BNC2: variants seen among roughly 807,000 people sequenced by gnomAD.
BNC2 encodes the protein basonuclin zinc finger protein 2.
A neutral mutation model predicts 76.3 loss-of-function variants in BNC2; 20 were observed. That is an observed-to-expected ratio of 0.26 (90% confidence interval 0.18 to 0.38). The LOEUF (loss-of-function observed/expected upper bound fraction) is 0.38. Ranked by LOEUF, BNC2 falls within the 10% of genes least tolerant of loss-of-function variation. The pLI is 1.00. For missense variants in BNC2, 1,382 were observed against 1,399.8 expected, an observed-to-expected ratio of 0.99 and a Z score of 0.20; for synonymous variants, 582 against 514.8, an observed-to-expected ratio of 1.13 and a Z score of -1.77.
chr9:16,752,165 T>C (rs1191530833), intron 1 of BNC2, among the ~76,000 whole-genome samples: 3 of 150,220 alleles, frequency 2.0e-5, no homozygotes, highest in Non-Finnish European at 3.0e-5. Context: ...GAAGATAAAC[T>C]GGGTTTACAT....
At chr9:16,498,155 C>CATCATATATATATTCT (rs1390305133) in intron 5 of BNC2, among the ~76,000 whole-genome samples, 1 of 129,010 alleles carries the variant, frequency 7.8e-6, no homozygotes, top group Non-Finnish European at 1.6e-5. Context: ...ATATATATTC[C>CATCATATATATATTCT]ATCATATATA....
chr9:16,820,478 G>C (rs754375499), intron 1 of BNC2, among the ~76,000 whole-genome samples: 2 of 151,890 alleles, frequency 1.3e-5, no homozygotes. Context: ...TTTGCCAAAG[G>C]TTATATTGCT....
intron 1 of BNC2, among the ~76,000 whole-genome samples, chr9:16,810,633 T>C (rs1818022217): frequency 6.6e-6 from 1 of 152,198 alleles, no homozygotes; most frequent in African/African-American, 2.4e-5. Context: ...GTGAAAATCA[T>C]TTTAGTGGCT....
chr9:16,780,249 A>AAAACAAAAAAAAAC (rs1358684830), intron 1 of BNC2, among the ~76,000 whole-genome samples: 1 of 132,028 alleles, frequency 7.6e-6, no homozygotes, highest in African/African-American at 3.5e-5. Context: ...AAAAAAAAAA[A>AAAACAAAAAAAAAC]AAAAAAACAA....
At chr9:16,769,352 C>T (rs1825774790) in intron 1 of BNC2, among the ~76,000 whole-genome samples, 1 of 152,186 alleles carries the variant, frequency 6.6e-6, no homozygotes, top group South Asian at 2.1e-4. Context: ...GAGACATTAT[C>T]TCATTTACTC....
chr9:16,623,452 G>A (rs538137110), intron 3 of BNC2, among the ~76,000 whole-genome samples: 1 of 152,298 alleles, frequency 6.6e-6, no homozygotes, highest in East Asian at 1.9e-4. Flanking sequence ...GCACTAACAA[G>A]TAGATGCAAG....
At chr9:16,527,231 A>C (rs1254627083) in intron 5 of BNC2, among the ~76,000 whole-genome samples, 1 of 152,186 alleles carries the variant, frequency 6.6e-6, no homozygotes, top group Non-Finnish European at 1.5e-5. Flanking sequence ...AGATTCACTA[A>C]CCTGATCAAA....
At chr9:16,848,702 G>A (rs1246856066) in intron 1 of BNC2, among the ~76,000 whole-genome samples, 1 of 152,150 alleles carries the variant, frequency 6.6e-6, no homozygotes, top group Non-Finnish European at 1.5e-5. Context: ...AAAGCACCCA[G>A]GAGATTTCAA....
rs1354511675 is a variant in BNC2, at chr9:16,740,815, C to G, written c.4-2330G>C. 2.0e-5 allele frequency among the ~76,000 whole-genome samples: 3 copies of G among 151,952 alleles called. No individual in the cohort carries two copies. In the East Asian group the frequency reaches 5.8e-4, roughly 30 times the overall value. On this transcript the variant is annotated intron_variant, in intron 1 of 6. Coordinates refer to ENST00000380672, the MANE Select transcript of BNC2 (RefSeq NM_017637.6). ...AAAGGGTCCGAGGAGAGAATATGAT[C>G]AAGAGCACAAATGAAAAGGGTGCCC...
rs1437301139 is a variant in BNC2 at position 16,498,171 on chromosome 9, T to TATCATATATATATTCC, written c.669+54343_669+54358dup. Among the ~76,000 whole-genome samples, 253 of 141,760 alleles carry TATCATATATATATTCC rather than the reference T, an allele frequency of 1.8e-3. 3 individuals carry two copies. The highest frequency in any genetic ancestry group is 5.9e-3 in the African/African-American group (218 of 36,798). The allele number at this position is 141,760 out of a possible 152,430, so 93.0% of individuals were successfully genotyped here. A position where few individuals can be genotyped will look rare whatever the true frequency, so the allele number is the denominator to read the frequency against. On this transcript the variant is annotated intron_variant, in intron 5 of 6. Coordinates refer to ENST00000380672, the MANE Select transcript of BNC2 (RefSeq NM_017637.6). The stretch of plus-strand genomic sequence containing the variant: ...TATATATTCCATCATATATATATTC[T>TATCATATATATATTCC]ATCATATATATATTCCATCATATAT...
intron 4 of BNC2, among the ~76,000 whole-genome samples, chr9:16,554,846 G>A (rs1296134853): frequency 6.6e-6 from 1 of 152,120 alleles, no homozygotes; most frequent in Non-Finnish European, 1.5e-5. Context: ...GAAACTGACA[G>A]GAGTCAGTAG....
Position 16,818,765 on chromosome 9 carries a change from G to C in BNC2, c.3+51881C>G, listed in dbSNP as rs1211333187. Among the ~76,000 whole-genome samples, 4 of 152,184 alleles carry C rather than the reference G, an allele frequency of 2.6e-5. No homozygotes were observed. In the South Asian group the frequency reaches 6.2e-4, roughly 24 times the overall value. Reference sequence around the variant, plus strand: ...TGGTCTCAAACTCCTGGAATCAAGTGAGCCTCCCACCTCAACCACCCAAGT... The same window carrying C: ...TGGTCTCAAACTCCTGGAATCAAGTCAGCCTCCCACCTCAACCACCCAAGT... On this transcript the variant is annotated intron_variant, in intron 1 of 6. Transcript: ENST00000380672.
chr9:16,476,569 A>T lies in BNC2; in HGVS notation c.670-39045T>A, dbSNP rs73645985. Among the ~76,000 whole-genome samples, 508 of 128,238 alleles carry T rather than the reference A, an allele frequency of 4.0e-3. 2 individuals are homozygous for T. The highest frequency in any genetic ancestry group is 7.8e-3 in the Middle Eastern group (2 of 258). The allele number at this position is 128,238 out of a possible 152,430, so 84.1% of individuals were successfully genotyped here. A position where few individuals can be genotyped will look rare whatever the true frequency, so the allele number is the denominator to read the frequency against. ...CCCGTGTGTGTGTGTTGTTTTTTTT[A>T]AAAAAAAAAAAAAACTCTGGCAGTT... On this transcript the variant is annotated intron_variant, in intron 5 of 6. Transcript: ENST00000380672.
At chr9:16,595,224 A>C (rs1587214140) in intron 3 of BNC2, among the ~76,000 whole-genome samples, 1 of 152,256 alleles carries the variant, frequency 6.6e-6, no homozygotes, top group East Asian at 1.9e-4. Flanking sequence ...GACACATCTC[A>C]ACAAACATTT....
intron 4 of BNC2, among the ~76,000 whole-genome samples, chr9:16,569,072 G>A (rs1819244395): frequency 6.7e-6 from 1 of 148,800 alleles, no homozygotes. Context: ...ATCCCCAAGT[G>A]TGGTGATAAA....
At chr9:16,565,313 C>T (rs1386006117) in intron 4 of BNC2, among the ~76,000 whole-genome samples, 1 of 152,146 alleles carries the variant, frequency 6.6e-6, no homozygotes, top group Non-Finnish European at 1.5e-5. Flanking sequence ...ATTTACTTTC[C>T]AGTCTAGTAA....
At chr9:16,718,698 AG>A (rs2134834647) in intron 3 of BNC2, among the ~76,000 whole-genome samples, 1 of 152,338 alleles carries the variant, frequency 6.6e-6, no homozygotes, top group South Asian at 2.1e-4. Flanking sequence ...GAAAGGAAAA[AG>A]GCTATATAGA....
chr9:16,714,103 T>C (rs890671956), intron 3 of BNC2, among the ~76,000 whole-genome samples: 3 of 152,182 alleles, frequency 2.0e-5, no homozygotes, highest in African/African-American at 7.2e-5. Context: ...AAAATGATAC[T>C]AATTTCGGTT....
At chr9:16,516,663 TTC>T (rs1237130144) in intron 5 of BNC2, among the ~76,000 whole-genome samples, 3 of 152,200 alleles carry the variant, frequency 2.0e-5, no homozygotes, top group Non-Finnish European at 4.4e-5. Flanking sequence ...TTCTTTTTTT[TTC>T]TTTTTTCATC....
Sources: gnomAD v4.1 joint callset for allele counts (sites outside exome capture counted in the v4.1 genomes callset) on GRCh38, gnomAD v4.1.1 for gene constraint, MANE v1.5 for transcripts, NCBI Gene and HGNC (gene_info 2026-07-23, HGNC 2026-07-21) for gene names.